Variants in COL6A1 observed in about 807,000 individuals in gnomAD.
COL6A1 encodes collagen alpha-1(VI) chain.
Under a neutral mutation model 145.6 loss-of-function variants are expected in COL6A1, and 80 were observed. The ratio of observed to expected loss-of-function variants is 0.55; its 90% CI spans 0.46 to 0.66. The LOEUF (loss-of-function observed/expected upper bound fraction) is 0.66, where lower values mean the gene tolerates loss of function less well. COL6A1 is among the 30% of genes least tolerant of loss of function. COL6A1 has a pLI of 0.00. For missense variants in COL6A1, 1,364 were observed against 1,473.8 expected, an observed-to-expected ratio of 0.93 and a Z score of 1.22; for synonymous variants, 638 against 622.8, an observed-to-expected ratio of 1.02 and a Z score of -0.36.
chr21:45,994,030 G>T lies in COL6A1; in HGVS notation c.1336-137G>T. 1 of 893,970 alleles carries T rather than the reference G, an allele frequency of 1.1e-6. No homozygotes were observed. The highest frequency in any genetic ancestry group is 1.8e-6 in the Non-Finnish European group (1 of 550,548). 55.4% of individuals were successfully genotyped at this position (893,970 alleles called of 1,614,324 possible). A position where few individuals can be genotyped will look rare whatever the true frequency, so the allele number is the denominator to read the frequency against. On this transcript the variant is annotated intron_variant, in intron 19 of 34. Coordinates refer to ENST00000361866, the MANE Select transcript of COL6A1 (RefSeq NM_001848.3). This position sits in a 1 kb window ranked among gnomAD's most constrained non-coding sequence, Gnocchi z 6.8. ...CCGAGGAAACGCTTGGCGAGGCCAG[G>T]AAGGGGCTGTGCGGGGAGGGAAGGC...
chr21:45,998,929 C>T lies in COL6A1; in HGVS notation c.1644C>T (p.Asp548=), dbSNP rs182425338. 2.6e-4 allele frequency: 406 copies of T among 1,556,414 alleles called. 5 individuals carry two copies. In the African/African-American group the frequency reaches 4.5e-3, roughly 17 times the overall value. Residue 548 remains aspartate (D), a synonymous_variant, in exon 25 of 35, where the codon GAC becomes GAT. Coordinates refer to ENST00000361866, the MANE Select transcript of COL6A1 (RefSeq NM_001848.3). ...AGGGCTACCCCGGCCTCAAGGGGGA[C>T]GAGGGAGAAGCCGGGGACCCCGGAG... ...GTKGYPGLKG[D]EGEAGDPGDD... is the part of the protein sequence containing the mutation.
intron 15 of COL6A1, 59 bp downstream of exon 15, chr21:45,991,100 T>G (rs2077774586): frequency 1.3e-6 from 2 of 1,569,490 alleles, no homozygotes; most frequent in South Asian, 1.1e-5. Context: ...AGCGCTGAAT[T>G]GGAAACCTCT....
Position 45,998,151 on chromosome 21 carries a change from G to C in COL6A1, c.1555G>C (p.Glu519Gln). The C allele has an allele frequency of 6.2e-7, 1 of 1,612,468 alleles. No homozygotes were observed. Among genetic ancestry groups the C allele is most frequent in the Non-Finnish European group, 8.5e-7 (1 of 1,179,798 alleles). ...AGACGGCCCCGCTGGAAATGGCACC[G>C]AGGGCTTCCCCGGCTTCCCCGTAAG... ...GEDGPAGNGTEGFPGFPGYPG... is the reference protein window; with the variant it reads ...GEDGPAGNGTQGFPGFPGYPG... The change falls in exon 23 of 35, where the codon GAG becomes CAG. Residue 519 changes from glutamate (E) to glutamine (Q), a missense_variant. By Grantham distance (29) the Glu-to-Gln change is conservative. Transcript: ENST00000361866.
chr21:45,997,877 CGCA>C, intron 22 of COL6A1, 115 bp downstream of exon 22: 24 of 1,228,256 alleles, frequency 2.0e-5, no homozygotes, highest in Non-Finnish European at 2.7e-5. Context: ...CGGGAGTGCC[CGCA>C]GCATCACTGG....
At position 46,003,609 on chromosome 21, in the gene COL6A1, C is replaced by A. The variant is rs765197830; in HGVS notation, c.2683C>A (p.Gln895Lys). Residue 895 changes from glutamine to lysine, a missense_variant, in exon 35 of 35, where the codon CAG becomes AAG. Gln to Lys is a moderately conservative substitution (Grantham distance 53). Around this residue, in one of 3 missense-constraint regions of COL6A1, gnomAD observed 938 missense variants for 1,003.8 expected, o/e 0.93. Coordinates refer to ENST00000361866, the MANE Select transcript of COL6A1 (RefSeq NM_001848.3). Reference sequence around the variant, plus strand: ...AGAGCGGGCGTCGCTGCAGTTCCTGCAGAACTACACGGCCCTGGCCAGTGC... The same window carrying A: ...AGAGCGGGCGTCGCTGCAGTTCCTGAAGAACTACACGGCCCTGGCCAGTGC... The part of the protein sequence containing the change: ...RPERASLQFL[Q>K]NYTALASAVD... 1 of 1,612,794 alleles carries A rather than the reference C, an allele frequency of 6.2e-7. No individual in the cohort carries two copies. The highest frequency in any genetic ancestry group is 8.5e-7 in the Non-Finnish European group (1 of 1,179,872).
chr21:45,986,626 A>G lies in COL6A1; in HGVS notation c.529A>G (p.Asn177Asp), dbSNP rs1483561322. Residue 177 changes from asparagine to aspartate, a missense_variant, in exon 4 of 35, where the codon AAC (asparagine) becomes GAC (aspartate). Transcript: ENST00000361866. ...CTGTGGGGGGCTGGAGGATGCTGTG[A>G]ACGAGGCCAAGCACCTGGGCGTCAA... ...EPCGGLEDAVNEAKHLGVKVF... is the reference protein window; with the variant it reads ...EPCGGLEDAVDEAKHLGVKVF... 8 of 1,554,192 alleles carry G rather than the reference A, an allele frequency of 5.1e-6. No homozygotes were observed. The highest frequency in any genetic ancestry group is 1.4e-5 in the African/African-American group (1 of 73,064).
intron 2 of COL6A1, among the ~76,000 whole-genome samples, chr21:45,983,743 C>T (rs1010182356): frequency 1.3e-5 from 2 of 152,078 alleles, no homozygotes; most frequent in East Asian, 1.9e-4. Context: ...TGCCTTTACT[C>T]AGTCTCCCCA....
chr21:45,987,274 C>G lies in COL6A1; in HGVS notation c.738+99C>G. 3 of 1,561,958 alleles carry G rather than the reference C, an allele frequency of 1.9e-6. No individual in the cohort carries two copies. The Admixed American group carries it at 5.3e-5, about 27-fold the overall frequency. On this transcript the variant is annotated intron_variant, in intron 6 of 34. Transcript: ENST00000361866. ...ACGCATGTCCCTATGCATATCCGCC[C>G]ATGTGCCCGGGACACATGTCCCCTG...
At position 46,000,785 on chromosome 21, in the gene COL6A1, G is replaced by C; in HGVS notation, c.1822+18G>C. ...TTGCTGTGGTGAGACCCAGGCTCTA[G>C]CTCCTGAGAGAATGGATCCCGGGGG... is the stretch of plus-strand genomic sequence containing the variant. On this transcript the variant is annotated intron_variant, in intron 29 of 34. Coordinates refer to ENST00000361866, the MANE Select transcript of COL6A1 (RefSeq NM_001848.3). 1.2e-6 allele frequency: 2 copies of C among 1,613,854 alleles called. No homozygotes were observed. The highest frequency in any genetic ancestry group is 2.2e-5 in the East Asian group (1 of 44,864).
intron 20 of COL6A1, among the ~76,000 whole-genome samples, chr21:45,997,098 G>A (rs1603592688): frequency 1.3e-5 from 2 of 150,422 alleles, no homozygotes; most frequent in East Asian, 3.9e-4. Flanking sequence ...AGTCATCTGG[G>A]ACAGGCTTCA....
Position 45,984,231 on chromosome 21 carries a change from G to GCCGCCCGCCTCACGC in COL6A1, c.228-32_228-18dup, listed in dbSNP as rs2077724261. 3 of 1,566,308 alleles carry GCCGCCCGCCTCACGC rather than the reference G, an allele frequency of 1.9e-6. No individual in the cohort carries two copies. The South Asian group carries it at 3.5e-5, about 18-fold the overall frequency. On this transcript the variant is annotated intron_variant, in intron 2 of 34. Transcript: ENST00000361866. ...GGGACGGGTAGCGATGGCGCCAGGG[G>GCCGCCCGCCTCACGC]CCGCCCGCCTCACGCCCGCCGTGCC...
chr21:45,998,518 A>T, intron 24 of COL6A1, 85 bp downstream of exon 24: 1 of 1,567,882 alleles, frequency 6.4e-7, no homozygotes, highest in Non-Finnish European at 8.8e-7. Context: ...ACACATGTGC[A>T]CACAGGCTCC....
In COL6A1 at chr21:45,999,121, C is replaced by T. The variant is rs755946911; in HGVS notation, c.1675-32C>T. On this transcript the variant is annotated intron_variant, in intron 25 of 34. Coordinates refer to ENST00000361866, the MANE Select transcript of COL6A1 (RefSeq NM_001848.3). The stretch of plus-strand genomic sequence containing the variant: ...AGCGCGCAGATGCCCGGGTGGTGCA[C>T]GGTCTGTTGACACAACGCTGTTCCC... 53 of 1,569,522 alleles carry T rather than the reference C, an allele frequency of 3.4e-5. 1 individual carries two copies. The South Asian group carries it at 3.6e-4, about 11-fold the overall frequency.
intron 2 of COL6A1, among the ~76,000 whole-genome samples, chr21:45,983,542 C>G (rs937171569): frequency 6.6e-6 from 1 of 152,138 alleles, no homozygotes; most frequent in Non-Finnish European, 1.5e-5. Flanking sequence ...GGGGCACAGT[C>G]AGAGGCTGCC....
rs370889024 is a variant in COL6A1, at chr21:45,986,605, G to C, written c.508G>C (p.Gly170Arg). ...HPLEGYKEPCGGLEDAVNEAK... is the reference protein window; with the variant it reads ...HPLEGYKEPCRGLEDAVNEAK... The stretch of plus-strand genomic sequence containing the variant: ...CCTGGAGGGCTACAAGGAACCCTGT[G>C]GGGGGCTGGAGGATGCTGTGAACGA... Residue 170 changes from glycine to arginine, a missense_variant, in exon 4 of 35, where the codon GGG becomes CGG. Physicochemically the swap from Gly to Arg is moderately radical, Grantham distance 125. Around this residue, in one of 3 missense-constraint regions of COL6A1, gnomAD observed 414 missense variants for 437.6 expected, o/e 0.95. Transcript: ENST00000361866. 1.3e-5 allele frequency: 20 copies of C among 1,559,386 alleles called. No individual in the cohort carries two copies. The African/African-American group carries it at 2.5e-4, about 19-fold the overall frequency.
At position 45,984,426 on chromosome 21, in the gene COL6A1, A is replaced by G. The variant is rs1307687835; in HGVS notation, c.385A>G (p.Thr129Ala). ...AVKYFGKGTYTDCAIKKGLEQ... is the reference protein window; with the variant it reads ...AVKYFGKGTYADCAIKKGLEQ... ...CAAGTACTTTGGGAAGGGCACCTAC[A>G]CCGACTGCGCTATCAAGAAGGGGCT... The change falls in exon 3 of 35, where the codon ACC becomes GCC. Residue 129 changes from threonine (T) to alanine (A), a missense_variant. This residue lies in a region of COL6A1 where 414 missense variants were observed against 437.6 expected (regional missense o/e 0.95). Coordinates refer to ENST00000361866, the MANE Select transcript of COL6A1 (RefSeq NM_001848.3). 3.1e-6 allele frequency: 5 copies of G among 1,612,230 alleles called. No homozygotes were observed. Among genetic ancestry groups the G allele is most frequent in the Admixed American group, 3.3e-5 (2 of 60,008 alleles).
chr21:45,991,930 G>C, intron 15 of COL6A1, 80 bp from the exon 16 acceptor site: 1 of 1,393,540 alleles, frequency 7.2e-7, no homozygotes, highest in Non-Finnish European at 9.9e-7. Flanking sequence ...ATGGGTGAGA[G>C]GCCCTGGATG....
rs1389032379 is a variant in COL6A1, at chr21:46,001,186, G to GTGGAGGGGAGGGGCCAGGGCAC, written c.1823-52_1823-31dup. 25 of 1,576,098 alleles carry GTGGAGGGGAGGGGCCAGGGCAC rather than the reference G, an allele frequency of 1.6e-5. No individual in the cohort carries two copies. The South Asian group carries it at 2.2e-4, about 14-fold the overall frequency. Reference sequence around the variant, plus strand: ...TGGCAGCCAAGGAGGGGCCAGGGCGGTGGAGGGGAGGGGCCAGGGCACTGG... The same window carrying GTGGAGGGGAGGGGCCAGGGCAC: ...TGGCAGCCAAGGAGGGGCCAGGGCGGTGGAGGGGAGGGGCCAGGGCACTGGAGGGGAGGGGCCAGGGCACTGG... On this transcript the variant is annotated intron_variant, in intron 29 of 34. Coordinates refer to ENST00000361866, the MANE Select transcript of COL6A1 (RefSeq NM_001848.3).
At chr21:46,000,449 C>T (rs912762808) in intron 28 of COL6A1, 82 bp downstream of exon 28, 99 of 1,513,708 alleles carry the variant, frequency 6.5e-5, no homozygotes, top group Non-Finnish European at 8.6e-5. Context: ...AGGGTGTCTC[C>T]ACTGTTGGGG....
Sources: gnomAD v4.1 joint callset for allele counts (sites outside exome capture counted in the v4.1 genomes callset) on GRCh38, gnomAD v4.1.1 for gene constraint, gnomAD v4.1.1 regional missense constraint, Gnocchi (gnomAD v3.1) non-coding constraint, MANE v1.5 for transcripts, NCBI Gene and HGNC (gene_info 2026-07-23, HGNC 2026-07-21) for gene names.